CHN2: variants seen among roughly 807,000 people sequenced by gnomAD.
CHN2 encodes the protein beta-chimaerin.
CHN2 carries 35 observed loss-of-function variants against 56.3 expected under a neutral mutation model. The ratio of observed to expected loss-of-function variants is 0.62; its 90% CI spans 0.47 to 0.82. The LOEUF (loss-of-function observed/expected upper bound fraction) is 0.82, where lower values mean the gene tolerates loss of function less well. Among genes scored for constraint, CHN2 ranks in the 40% least tolerant of loss-of-function variants. The pLI is 0.00. For synonymous variants in CHN2, 210 were observed against 212.8 expected (o/e 0.99, Z 0.12); for missense variants, 491 against 580.5 (o/e 0.85, Z 1.58).
chr7:29,196,747 CCT>C (rs567386489), intron 1 of CHN2, among the ~76,000 whole-genome samples: 314 of 152,308 alleles, frequency 2.1e-3, no homozygotes, highest in Non-Finnish European at 3.4e-3. Context: ...GATTGAAAAT[CCT>C]AAGTCAGCCT....
chr7:29,356,317 G>A (rs1798313264), intron 2 of CHN2, among the ~76,000 whole-genome samples: 1 of 151,972 alleles, frequency 6.6e-6, no homozygotes, highest in Non-Finnish European at 1.5e-5. Context: ...TATACACACA[G>A]CCACACACAC....
intron 1 of CHN2, among the ~76,000 whole-genome samples, chr7:29,195,649 T>TGTGTGTGAGAGAGA (rs1554358914): frequency 3.1e-5 from 4 of 130,642 alleles, no homozygotes; most frequent in African/African-American, 1.1e-4. Flanking sequence ...TGTGTGTGTG[T>TGTGTGTGAGAGAGA]GAGAGAGAGA....
intron 6 of CHN2, among the ~76,000 whole-genome samples, chr7:29,450,089 GA>G (rs1447496091): frequency 6.6e-6 from 1 of 152,158 alleles, no homozygotes; most frequent in Non-Finnish European, 1.5e-5. Context: ...AGAATCTCTT[GA>G]AGGCAAACAG....
chr7:29,258,232 T>TAAACCAGGATTATCCTGGGA (rs1789237870), intron 1 of CHN2, among the ~76,000 whole-genome samples: 1 of 152,186 alleles, frequency 6.6e-6, no homozygotes, highest in Non-Finnish European at 1.5e-5. Context: ...GCAACAGGGA[T>TAAACCAGGATTATCCTGGGA]AAACCAGGAT....
At chr7:29,384,382 T>C (rs1277932056) in intron 3 of CHN2, among the ~76,000 whole-genome samples, 2 of 152,156 alleles carry the variant, frequency 1.3e-5, no homozygotes, top group Non-Finnish European at 2.9e-5. Context: ...CTTCAAGTAA[T>C]GTTAACCATA....
chr7:29,297,568 C>T (rs1176817306), intron 1 of CHN2, among the ~76,000 whole-genome samples: 1 of 152,018 alleles, frequency 6.6e-6, no homozygotes, highest in African/African-American at 2.4e-5. Context: ...TGTATTAAAA[C>T]GAAACAAGGT....
chr7:29,182,087 A>G (rs1466621958), intron 2 of CHN2, among the ~76,000 whole-genome samples: 1 of 152,232 alleles, frequency 6.6e-6, no homozygotes, highest in African/African-American at 2.4e-5. Flanking sequence ...TTAAAAAGAC[A>G]ATATTCCTTT....
At chr7:29,258,648 G>A (rs763529722) in intron 1 of CHN2, among the ~76,000 whole-genome samples, 7 of 152,090 alleles carry the variant, frequency 4.6e-5, no homozygotes, top group Non-Finnish European at 1.0e-4. Flanking sequence ...TTGAAGTAGT[G>A]AGGACACAGC....
At chr7:29,468,145 C>A (rs1259331376) in intron 6 of CHN2, among the ~76,000 whole-genome samples, 4 of 105,918 alleles carry the variant, frequency 3.8e-5, no homozygotes, top group Admixed American at 8.6e-5. Context: ...GACCCGCCCC[C>A]CCCCCCCCCC....
At position 29,212,363 on chromosome 7, in the gene CHN2, A is replaced by T. The variant is rs73684623; in HGVS notation, c.49+17373A>T. 1.3e-3 allele frequency: 2,044 copies of T among 1,569,800 alleles called. 17 individuals carry two copies. The African/African-American group carries it at 0.019, about 14-fold the overall frequency. ...GCTTCGAAGCATCCGACTGTAAAGA[A>T]TCTTAACCTATGGCTGTGATTTGTG... On this transcript the variant is annotated intron_variant, in intron 1 of 12. Coordinates refer to ENST00000222792, the MANE Select transcript of CHN2 (RefSeq NM_004067.4).
chr7:29,225,617 C>T (rs1032033894), intron 1 of CHN2, among the ~76,000 whole-genome samples: 4 of 152,202 alleles, frequency 2.6e-5, no homozygotes, highest in African/African-American at 4.8e-5. Context: ...CATCGCTCTT[C>T]GTTTCCTATC....
At chr7:29,404,443 A>T (rs895745203) in intron 6 of CHN2, among the ~76,000 whole-genome samples, 1 of 152,210 alleles carries the variant, frequency 6.6e-6, no homozygotes, top group Non-Finnish European at 1.5e-5. Flanking sequence ...AGAATATATT[A>T]TACCAGTTTA....
chr7:29,306,799 G>A (rs1794203626), intron 1 of CHN2, among the ~76,000 whole-genome samples: 1 of 152,244 alleles, frequency 6.6e-6, no homozygotes, highest in African/African-American at 2.4e-5. Flanking sequence ...AGGGCTGACA[G>A]CAAACTTAAT....
At chr7:29,157,917 TC>T (rs1454144960) in intron 2 of CHN2, among the ~76,000 whole-genome samples, 1 of 152,152 alleles carries the variant, frequency 6.6e-6, no homozygotes, top group African/African-American at 2.4e-5. Context: ...TTCATTTTAC[TC>T]TTCCTTATGA....
intron 1 of CHN2, among the ~76,000 whole-genome samples, chr7:29,255,671 G>A (rs1399325168): frequency 6.6e-6 from 1 of 152,204 alleles, no homozygotes. Context: ...GGTGACTCAA[G>A]TTCAGAATGG....
At chr7:29,321,030 A>G (rs1254465949) in intron 1 of CHN2, among the ~76,000 whole-genome samples, 10 of 152,220 alleles carry the variant, frequency 6.6e-5, no homozygotes, top group African/African-American at 2.2e-4. Context: ...CTTGAGAATG[A>G]GATCGCTTTA....
intron 2 of CHN2, among the ~76,000 whole-genome samples, chr7:29,152,518 C>T (rs1450959252): frequency 6.6e-6 from 1 of 152,176 alleles, no homozygotes; most frequent in Non-Finnish European, 1.5e-5. Context: ...AGTCTGAATG[C>T]ACTAGCTAAA....
At chr7:29,280,863 G>A (rs1791649365) in intron 1 of CHN2, among the ~76,000 whole-genome samples, 1 of 152,184 alleles carries the variant, frequency 6.6e-6, no homozygotes, top group Admixed American at 6.5e-5. Flanking sequence ...TTGGGAGGCT[G>A]AGGCAGGTGG....
chr7:29,331,776 T>C (rs1182919860), intron 1 of CHN2, among the ~76,000 whole-genome samples: 2 of 151,980 alleles, frequency 1.3e-5, no homozygotes, highest in African/African-American at 2.4e-5. Context: ...GAAATACAAT[T>C]TGGGGCCAGG....
Sources: gnomAD v4.1 joint callset for allele counts (sites outside exome capture counted in the v4.1 genomes callset) on GRCh38, gnomAD v4.1.1 for gene constraint, MANE v1.5 for transcripts, NCBI Gene and HGNC (gene_info 2026-07-23, HGNC 2026-07-21) for gene names.